Variants in CUBN observed in about 807,000 individuals in gnomAD.
The protein encoded by CUBN is cubilin, also known as 460 kDa receptor.
In CUBN, 282 loss-of-function variants were observed where a neutral mutation model predicts 405.3. The ratio of observed to expected loss-of-function variants is 0.70; its 90% CI spans 0.63 to 0.77. The LOEUF (loss-of-function observed/expected upper bound fraction) is 0.77, where lower values mean the gene tolerates loss of function less well. CUBN is among the 30% of genes least tolerant of loss of function. The pLI is 0.00. For synonymous variants in CUBN, 1,684 were observed against 1,617.0 expected (o/e 1.04, Z -0.99); for missense variants, 4,514 against 4,475.2 (o/e 1.01, Z -0.25).
intron 54 of CUBN, among the ~76,000 whole-genome samples, chr10:16,893,238 C>A (rs1316699224): frequency 6.6e-6 from 1 of 152,180 alleles, no homozygotes; most frequent in Non-Finnish European, 1.5e-5. Context: ...TGCAGATTCA[C>A]ATACATTTGT....
intron 19 of CUBN, among the ~76,000 whole-genome samples, chr10:17,070,706 G>C (rs1429265803): frequency 6.6e-6 from 1 of 151,976 alleles, no homozygotes; most frequent in Non-Finnish European, 1.5e-5. Context: ...TCTATATTTT[G>C]ATCTCATAAC....
chr10:17,007,594 C>G (rs989058653), intron 28 of CUBN, among the ~76,000 whole-genome samples: 3 of 149,256 alleles, frequency 2.0e-5, no homozygotes, highest in Non-Finnish European at 3.0e-5. Context: ...GTTTGGAGAT[C>G]GTACTGCACA....
At chr10:16,948,648 T>A in intron 34 of CUBN, 42 bp from the exon 35 acceptor site, 1 of 1,610,998 alleles carries the variant, frequency 6.2e-7, no homozygotes, top group Non-Finnish European at 8.5e-7. Flanking sequence ...AATGACAACA[T>A]GGCAGAGACC....
In CUBN at chr10:17,039,287, C is replaced by T. The variant is rs188587215; in HGVS notation, c.4017+1746G>A. ...GCGTGTGTAGGAGGTCGTACAAAAA[C>T]GCCAGTTTGGAATTCAATCTTTCTC... On this transcript the variant is annotated intron_variant, in intron 27 of 66. Transcript: ENST00000377833. 3.8e-3 allele frequency among the ~76,000 whole-genome samples: 586 copies of T among 152,288 alleles called. 3 individuals carry two copies. The highest frequency in any genetic ancestry group is 0.013 in the African/African-American group (548 of 41,552).
intron 59 of CUBN, among the ~76,000 whole-genome samples, chr10:16,868,875 T>G (rs1433150882): frequency 1.3e-5 from 2 of 152,170 alleles, no homozygotes; most frequent in Non-Finnish European, 2.9e-5. Flanking sequence ...CCAAATTAAA[T>G]AAAACATTTC....
At chr10:17,104,971 G>A (rs1836589962) in intron 11 of CUBN, among the ~76,000 whole-genome samples, 1 of 151,416 alleles carries the variant, frequency 6.6e-6, no homozygotes, top group Non-Finnish European at 1.5e-5. Context: ...ACCACACCTG[G>A]CTAACTTTTT....
intron 22 of CUBN, among the ~76,000 whole-genome samples, chr10:17,050,336 G>A (rs946564247): frequency 6.6e-5 from 10 of 152,158 alleles, no homozygotes; most frequent in African/African-American, 1.7e-4. Context: ...CATGATGTAC[G>A]ACTCTTGATT....
At chr10:16,993,994 T>C (rs886712740) in intron 28 of CUBN, among the ~76,000 whole-genome samples, 4 of 152,120 alleles carry the variant, frequency 2.6e-5, no homozygotes, top group Non-Finnish European at 5.9e-5. Context: ...AAATGCAAAA[T>C]AGGATAGATT....
intron 31 of CUBN, among the ~76,000 whole-genome samples, chr10:16,962,648 C>T (rs1843266739): frequency 6.6e-6 from 1 of 152,152 alleles, no homozygotes; most frequent in African/African-American, 2.4e-5. Context: ...CTTGCTAGCA[C>T]TTTCTGTCTT....
In CUBN at chr10:16,890,507, C is replaced by G. The variant is rs1343172471; in HGVS notation, c.8619G>C (p.Glu2873Asp). 1.9e-6 allele frequency: 3 copies of G among 1,614,072 alleles called. No homozygotes were observed. The highest frequency in any genetic ancestry group is 2.5e-6 in the Non-Finnish European group (3 of 1,180,036). ...SFVKVWAGTE[E>D]VDKALLATGC... The stretch of plus-strand genomic sequence containing the variant: ...CAGTGGCTAGCAGGGCTTTGTCCAC[C>G]TCCTCAGTTCCTGCCCACACCTAGC... The change falls in exon 55 of 67, where the codon GAG becomes GAC. Residue 2873 changes from glutamate to aspartate, a missense_variant. By Grantham distance (45) the Glu-to-Asp change is conservative. This residue lies in a region of CUBN where 1,186 missense variants were observed against 1,186.9 expected (regional missense o/e 1.00). Coordinates refer to ENST00000377833, the MANE Select transcript of CUBN (RefSeq NM_001081.4).
In CUBN at chr10:16,901,406, G is replaced by GGGCTTGTGTC. The variant is rs749762324; in HGVS notation, c.8115_8116insGACACAAGCC (p.Pro2706AspfsTer8). 7.4e-6 allele frequency: 12 copies of GGGCTTGTGTC among 1,614,008 alleles called. No individual in the cohort carries two copies. The highest frequency in any genetic ancestry group is 1.3e-5 in the African/African-American group (1 of 74,918). On this transcript the variant is annotated frameshift_variant, in exon 52 of 67. Transcript: ENST00000377833. LOFTEE classifies it high-confidence loss of function. ...TGGGTCAGGCTGTCATAAGCATTTG[G>GGGCTTGTGTC]ATAGTTGGGGCTTGTGATCACTCCA...
chr10:16,933,318 C>T (rs2131595149), intron 39 of CUBN, 34 bp from the exon 40 acceptor site: 1 of 1,598,266 alleles, frequency 6.3e-7, no homozygotes, highest in Non-Finnish European at 8.6e-7. Flanking sequence ...TTGACACAGC[C>T]CTAATGGAAA....
At chr10:17,027,129 T>C (rs1178145964) in intron 27 of CUBN, among the ~76,000 whole-genome samples, 2 of 152,260 alleles carry the variant, frequency 1.3e-5, no homozygotes, top group Admixed American at 6.5e-5. Flanking sequence ...GCTTTCTATA[T>C]ATTACTCCTA....
rs1295537496 is a variant in CUBN, at chr10:16,852,336, C to T, written c.9455-893G>A. The stretch of plus-strand genomic sequence containing the variant: ...CTTTCCATCCCTCCCTCCATCTTTC[C>T]CTCCCTCCCTCTATCTTTCCCTCCC... On this transcript the variant is annotated intron_variant, in intron 59 of 66. Transcript: ENST00000377833. 1.1e-4 allele frequency among the ~76,000 whole-genome samples: 15 copies of T among 130,914 alleles called. 1 individual carries two copies. Among genetic ancestry groups the T allele is most frequent in the Admixed American group, 1.0e-3 (14 of 13,460 alleles). 85.9% of individuals were successfully genotyped at this position (130,914 alleles called of 152,430 possible).
chr10:16,953,796 A>T (rs1282527005), intron 32 of CUBN, among the ~76,000 whole-genome samples: 1 of 151,762 alleles, frequency 6.6e-6, no homozygotes, highest in Non-Finnish European at 1.5e-5. Flanking sequence ...GGCTTCAGTG[A>T]GCCGTGATTG....
chr10:16,828,582 G>T (rs1296810934), intron 66 of CUBN, among the ~76,000 whole-genome samples: 1 of 152,264 alleles, frequency 6.6e-6, no homozygotes, highest in African/African-American at 2.4e-5. Context: ...GCTGAGTGTG[G>T]TGGCAGGCAC....
chr10:17,076,276 T>TTC (rs1377222873), intron 17 of CUBN, among the ~76,000 whole-genome samples: 2 of 151,864 alleles, frequency 1.3e-5, no homozygotes, highest in African/African-American at 2.4e-5. Flanking sequence ...TTGGCTCTGT[T>TTC]TCTCTCTCTC....
At chr10:16,983,492 AC>A (rs796078610) in intron 30 of CUBN, among the ~76,000 whole-genome samples, 3 of 152,322 alleles carry the variant, frequency 2.0e-5, no homozygotes, top group African/African-American at 7.2e-5. Flanking sequence ...TATGAAGCGG[AC>A]TTCCCTCACA....
Position 17,043,934 on chromosome 10 carries a change from C to T in CUBN, c.3722G>A (p.Gly1241Glu). The T allele has an allele frequency of 6.2e-7, 1 of 1,613,416 alleles. No homozygotes were observed. Among genetic ancestry groups the T allele is most frequent in the Non-Finnish European group, 8.5e-7 (1 of 1,179,694 alleles). The change falls in exon 26 of 67, where the codon GGG becomes GAG. Residue 1241 changes from glycine (G) to glutamate (E), a missense_variant. By Grantham distance (98) the Gly-to-Glu change is moderately conservative (BLOSUM62 -2). Transcript: ENST00000377833. The part of the protein sequence containing the change: ...SNSHLLTQLC[G>E]DEKPPLIRSS... Reference sequence around the variant, plus strand: ...ACGAATAAGAGGGGGTTTCTCATCCCCACAAAGCTGAGTTAGCAGATGAGA... The same window carrying T: ...ACGAATAAGAGGGGGTTTCTCATCCTCACAAAGCTGAGTTAGCAGATGAGA...
Sources: allele counts gnomAD v4.1 joint callset (sites outside exome capture counted in the v4.1 genomes callset), GRCh38; gene constraint gnomAD v4.1.1; regional missense constraint gnomAD v4.1.1; transcripts MANE v1.5; gene names NCBI Gene and HGNC (gene_info 2026-07-23, HGNC 2026-07-21).